Variants in SOX5 observed in about 807,000 individuals in gnomAD.
SOX5 encodes the protein SRY-box transcription factor 5.
A neutral mutation model predicts 92.0 loss-of-function variants in SOX5; 9 were observed. The ratio of observed to expected loss-of-function variants is 0.10; its 90% CI spans 0.06 to 0.17. The LOEUF (loss-of-function observed/expected upper bound fraction) is 0.17. Among genes scored for constraint, SOX5 ranks in the 10% least tolerant of loss-of-function variants. SOX5 has a pLI of 1.00. For missense variants in SOX5, 642 were observed against 944.5 expected (o/e 0.68, Z 4.20); for synonymous variants, 344 against 336.3 (o/e 1.02, Z -0.25).
Position 24,056,848 on chromosome 12 carries a change from G to T in SOX5, c.-2+156495C>A, listed in dbSNP as rs936765624. ...AAATTAGCCGGGCGTAGTGGCGGGC[G>T]CCTGTAGTCCCAGCTACTTGGAAGG... On this transcript the variant is annotated intron_variant, in intron 4 of 4. Coordinates refer to the SOX5 transcript ENST00000446891. Among the ~76,000 whole-genome samples the T allele has an allele frequency of 4.0e-5, 6 of 148,202 alleles. No homozygotes were observed. In the East Asian group the frequency reaches 5.9e-4, roughly 15 times the overall value.
chr12:24,229,636 C>T (rs1033691248), intron 3 of SOX5, among the ~76,000 whole-genome samples: 2 of 152,140 alleles, frequency 1.3e-5, no homozygotes, highest in African/African-American at 4.8e-5. Flanking sequence ...CACTTTGACA[C>T]CCTTGGAACA....
At chr12:23,951,885 C>G (rs1246938590), upstream of SOX5, among the ~76,000 whole-genome samples, 8 of 152,056 alleles carry the variant, frequency 5.3e-5, no homozygotes, top group East Asian at 1.4e-3. Context: ...TTTTTTGTTA[C>G]AGCAACAACC....
At chr12:24,413,871 A>G (rs1488088943) in intron 1 of SOX5, among the ~76,000 whole-genome samples, 1 of 152,214 alleles carries the variant, frequency 6.6e-6, no homozygotes, top group African/African-American at 2.4e-5. Context: ...ACAGGCATAT[A>G]TTCCACATTA....
At position 24,355,282 on chromosome 12, in the gene SOX5, C is replaced by CTT. The variant is rs768157437; in HGVS notation, c.-174+13279_-174+13280dup. The stretch of plus-strand genomic sequence containing the variant: ...TTAGCAGGTGTGGTGAGGGGTGCAT[C>CTT]TTTTTTTTTTTTTTTTTTTTTTTTT... On this transcript the variant is annotated intron_variant, in intron 2 of 4. Transcript: ENST00000446891. Among the ~76,000 whole-genome samples the CTT allele has an allele frequency of 5.0e-3, 361 of 71,870 alleles. 20 individuals carry two copies. Among genetic ancestry groups the CTT allele is most frequent in the African/African-American group, 7.1e-3 (96 of 13,592 alleles). 47.1% of individuals were successfully genotyped at this position (71,870 alleles called of 152,430 possible). A position where few individuals can be genotyped will look rare whatever the true frequency, so the allele number is the denominator to read the frequency against.
chr12:23,964,476 G>C (rs1947314900), intron 4 of SOX5, among the ~76,000 whole-genome samples: 1 of 152,052 alleles, frequency 6.6e-6, no homozygotes, highest in Non-Finnish European at 1.5e-5. Flanking sequence ...TTAGCATAGT[G>C]GCATCAATAT....
intron 3 of SOX5, among the ~76,000 whole-genome samples, chr12:24,216,918 A>G (rs1444235595): frequency 6.6e-6 from 1 of 152,140 alleles, no homozygotes; most frequent in Non-Finnish European, 1.5e-5. Flanking sequence ...ACAGAGCAAG[A>G]CTCCATCTTA....
At chr12:23,791,372 G>A (rs1339133960) in intron 3 of SOX5, among the ~76,000 whole-genome samples, 1 of 152,152 alleles carries the variant, frequency 6.6e-6, no homozygotes, top group Non-Finnish European at 1.5e-5. Context: ...TGCAATCATA[G>A]CATACTACAG....
intron 4 of SOX5, among the ~76,000 whole-genome samples, chr12:24,104,704 A>T (rs1946477196): frequency 1.3e-5 from 2 of 152,196 alleles, no homozygotes; most frequent in South Asian, 4.1e-4. Flanking sequence ...CAGCAACAGA[A>T]ACAGTCCCTT....
At chr12:24,186,848 A>G (rs74744159) in intron 4 of SOX5, among the ~76,000 whole-genome samples, 4,942 of 152,308 alleles carry the variant, frequency 0.032, 96 homozygotes, top group Middle Eastern at 0.058. Flanking sequence ...TATTTTAAAA[A>G]TTATTTTCTT....
At chr12:23,668,976 CAATGGCTTCAAGAAATT>C (rs2084313224) in intron 6 of SOX5, among the ~76,000 whole-genome samples, 1 of 152,046 alleles carries the variant, frequency 6.6e-6, no homozygotes, top group Non-Finnish European at 1.5e-5. Context: ...TTGAAACATT[CAATGGCTTCAAGAAATT>C]AATGTATTAA....
At chr12:24,398,363 C>T (rs1285365921) in intron 1 of SOX5, among the ~76,000 whole-genome samples, 1 of 152,014 alleles carries the variant, frequency 6.6e-6, no homozygotes, top group Non-Finnish European at 1.5e-5. Context: ...AACAATTAAC[C>T]AGGTGTGGTG....
At chr12:23,985,743 C>A (rs1950005521) in intron 4 of SOX5, among the ~76,000 whole-genome samples, 1 of 151,522 alleles carries the variant, frequency 6.6e-6, no homozygotes, top group Non-Finnish European at 1.5e-5. Flanking sequence ...TCACAAACTT[C>A]ATGGCTAATA....
At chr12:23,649,236 G>A (rs933434407) in intron 7 of SOX5, among the ~76,000 whole-genome samples, 2 of 151,898 alleles carry the variant, frequency 1.3e-5, no homozygotes, top group African/African-American at 4.8e-5. Context: ...AACAAGGTCA[G>A]GGGTCATTTT....
chr12:23,720,000 G>A (rs2092726501), intron 6 of SOX5, among the ~76,000 whole-genome samples: 1 of 152,092 alleles, frequency 6.6e-6, no homozygotes, highest in African/African-American at 2.4e-5. Flanking sequence ...AAGTAACGAT[G>A]TGTTGATGGA....
At chr12:23,983,382 A>G (rs937094285) in intron 4 of SOX5, among the ~76,000 whole-genome samples, 7 of 152,164 alleles carry the variant, frequency 4.6e-5, no homozygotes, top group Non-Finnish European at 7.4e-5. Context: ...AAAGCATCAA[A>G]TGATAACACT....
At chr12:23,894,178 C>G (rs2097155431) in intron 2 of SOX5, among the ~76,000 whole-genome samples, 1 of 152,062 alleles carries the variant, frequency 6.6e-6, no homozygotes, top group Non-Finnish European at 1.5e-5. Context: ...GAAGTGCTAT[C>G]AACACCACTT....
intron 1 of SOX5, among the ~76,000 whole-genome samples, chr12:24,468,682 T>C (rs545461622): frequency 3.3e-5 from 5 of 152,330 alleles, no homozygotes; most frequent in African/African-American, 1.2e-4. Flanking sequence ...GGTGCTTAAA[T>C]TTTTTACTAT....
chr12:23,617,085 A>G (rs2076647205), intron 8 of SOX5, among the ~76,000 whole-genome samples: 1 of 149,818 alleles, frequency 6.7e-6, no homozygotes, highest in Non-Finnish European at 1.5e-5. Context: ...TGATTGTGGC[A>G]CTGCACTCCA....
rs146630568 is a variant in SOX5 at position 24,256,224 on chromosome 12, G to A, written c.-77+20992C>T. On this transcript the variant is annotated intron_variant, in intron 3 of 4. Transcript: ENST00000446891. Reference sequence around the variant, plus strand: ...ATCAGTGCAGAAGGAAAATGTGAACGGAATAAATGGTTGAGAAATATCATA... The same window carrying A: ...ATCAGTGCAGAAGGAAAATGTGAACAGAATAAATGGTTGAGAAATATCATA... Among the ~76,000 whole-genome samples the A allele has an allele frequency of 1.9e-3, 296 of 152,254 alleles. 1 individual carries two copies. The highest frequency in any genetic ancestry group is 6.9e-3 in the African/African-American group (286 of 41,538).
Sources: gnomAD v4.1 joint callset for allele counts (sites outside exome capture counted in the v4.1 genomes callset) on GRCh38, gnomAD v4.1.1 for gene constraint, MANE v1.5 for transcripts, NCBI Gene and HGNC (gene_info 2026-07-23, HGNC 2026-07-21) for gene names.